Variants in OPCML observed in about 807,000 individuals in gnomAD.
The protein encoded by OPCML is opioid binding protein/cell adhesion molecule like, also known as opioid-binding protein/cell adhesion molecule.
A neutral mutation model predicts 37.8 loss-of-function variants in OPCML; 13 were observed. The ratio of observed to expected loss-of-function variants is 0.34; its 90% CI spans 0.22 to 0.55. The LOEUF (loss-of-function observed/expected upper bound fraction) is 0.55, where lower values mean the gene tolerates loss of function less well. Among genes scored for constraint, OPCML ranks in the 20% least tolerant of loss-of-function variants. OPCML has a pLI of 0.91. For synonymous variants in OPCML, 176 were observed against 168.8 expected (o/e 1.04, Z -0.33); for missense variants, 341 against 435.6 (o/e 0.78, Z 1.93).
intron 1 of OPCML, among the ~76,000 whole-genome samples, chr11:133,137,038 A>G (rs1406283008): frequency 6.6e-6 from 1 of 152,194 alleles, no homozygotes; most frequent in African/African-American, 2.4e-5. Flanking sequence ...CAGGAAGAAA[A>G]AGGCCAAAAG....
rs566094297 is a variant in OPCML at position 133,259,894 on chromosome 11, G to A, written c.61+272370C>T. ...GCACTACTCTCAGATTTGGGAATACGGTAGTGAACATAACAGACAACGTCC... is the reference window on the plus strand; with the variant it reads ...GCACTACTCTCAGATTTGGGAATACAGTAGTGAACATAACAGACAACGTCC... On this transcript the variant is annotated intron_variant, in intron 1 of 7. Coordinates refer to ENST00000524381, the MANE Select transcript of OPCML (RefSeq NM_001012393.5). Among the ~76,000 whole-genome samples, 8 of 152,180 alleles carry A rather than the reference G, an allele frequency of 5.3e-5. No individual in the cohort carries two copies. In the South Asian group the frequency reaches 1.2e-3, roughly 24 times the overall value.
chr11:133,073,432 C>G (rs532742781), intron 1 of OPCML, among the ~76,000 whole-genome samples: 28 of 152,338 alleles, frequency 1.8e-4, no homozygotes, highest in South Asian at 4.1e-4. Flanking sequence ...CCAAAGGGCT[C>G]TCCTAGCAGG....
At chr11:133,191,951 A>G (rs1470049131) in intron 1 of OPCML, among the ~76,000 whole-genome samples, 2 of 152,100 alleles carry the variant, frequency 1.3e-5, no homozygotes, top group Non-Finnish European at 1.5e-5. Context: ...AATATAGAAA[A>G]CCTTAGAGCT....
At chr11:132,703,947 C>A (rs1040238470) in intron 2 of OPCML, among the ~76,000 whole-genome samples, 1 of 152,116 alleles carries the variant, frequency 6.6e-6, no homozygotes, top group Non-Finnish European at 1.5e-5. Context: ...CTGGGGTCCA[C>A]GGAAGTAGAC....
chr11:132,834,798 C>CT (rs1160858106), intron 2 of OPCML, among the ~76,000 whole-genome samples: 1 of 152,140 alleles, frequency 6.6e-6, no homozygotes, highest in Non-Finnish European at 1.5e-5. Flanking sequence ...GAGCGTAGGA[C>CT]TTCAACATAT....
chr11:133,009,042 A>G (rs1389906966), intron 1 of OPCML: 2 of 985,326 alleles, frequency 2.0e-6, no homozygotes, highest in South Asian at 4.7e-5. Context: ...TTACTTAAAC[A>G]TATTTACTCT....
At chr11:133,419,349 T>C in intron 1 of OPCML, 1 of 985,420 alleles carries the variant, frequency 1.0e-6, no homozygotes, top group Non-Finnish European at 1.2e-6. Context: ...TCACTGATAG[T>C]GATGTGCTGG....
chr11:132,852,416 G>C (rs370755918), intron 2 of OPCML, among the ~76,000 whole-genome samples: 3 of 152,116 alleles, frequency 2.0e-5, no homozygotes, highest in Middle Eastern at 3.2e-3. Flanking sequence ...GGGTCCCTGA[G>C]ATTTTTCAGA....
At chr11:133,162,162 T>C (rs1442816211) in intron 1 of OPCML, among the ~76,000 whole-genome samples, 1 of 151,948 alleles carries the variant, frequency 6.6e-6, no homozygotes, top group Non-Finnish European at 1.5e-5. Context: ...TAAGGGAAAG[T>C]GCATGCAAAT....
chr11:133,510,282 T>C (rs1161984296), intron 1 of OPCML, among the ~76,000 whole-genome samples: 1 of 152,146 alleles, frequency 6.6e-6, no homozygotes, highest in Non-Finnish European at 1.5e-5. Flanking sequence ...TGCTACAGAG[T>C]AAACTTCCTG....
At chr11:133,484,281 C>G (rs1947482218) in intron 1 of OPCML, among the ~76,000 whole-genome samples, 1 of 151,916 alleles carries the variant, frequency 6.6e-6, no homozygotes, top group Admixed American at 6.6e-5. Context: ...CAAAGAATAA[C>G]TCCATAAATA....
At chr11:132,764,592 T>C (rs1473074734) in intron 2 of OPCML, among the ~76,000 whole-genome samples, 1 of 152,190 alleles carries the variant, frequency 6.6e-6, no homozygotes, top group Non-Finnish European at 1.5e-5. Flanking sequence ...AGATAATGCA[T>C]GTAAATCCCT....
At chr11:133,480,250 A>ATC (rs1359043883) in intron 1 of OPCML, among the ~76,000 whole-genome samples, 4 of 152,282 alleles carry the variant, frequency 2.6e-5, no homozygotes, top group Non-Finnish European at 5.9e-5. Flanking sequence ...GCTCTGTTGA[A>ATC]TCTCTCACAT....
chr11:132,571,951 A>T (rs2096439631), intron 3 of OPCML, among the ~76,000 whole-genome samples: 1 of 152,168 alleles, frequency 6.6e-6, no homozygotes, highest in Admixed American at 6.5e-5. Context: ...AAAATTGTAT[A>T]ATACCCATTT....
At chr11:132,766,655 T>C (rs1208226070) in intron 2 of OPCML, among the ~76,000 whole-genome samples, 2 of 152,030 alleles carry the variant, frequency 1.3e-5, no homozygotes, top group East Asian at 1.9e-4. Flanking sequence ...CCCCTCACAC[T>C]GAGGATTAGG....
At chr11:132,592,980 G>A (rs2096486928) in intron 3 of OPCML, among the ~76,000 whole-genome samples, 1 of 152,172 alleles carries the variant, frequency 6.6e-6, no homozygotes, top group Non-Finnish European at 1.5e-5. Context: ...TGTTCACGGA[G>A]TTCTGGAGAG....
At chr11:133,252,341 T>A (rs1432771447) in intron 1 of OPCML, among the ~76,000 whole-genome samples, 2 of 152,200 alleles carry the variant, frequency 1.3e-5, no homozygotes, top group African/African-American at 4.8e-5. Flanking sequence ...ATTATAGGGT[T>A]GATGAAGCTT....
chr11:132,562,931 G>T (rs908128776), intron 3 of OPCML, among the ~76,000 whole-genome samples: 1 of 152,188 alleles, frequency 6.6e-6, no homozygotes, highest in Non-Finnish European at 1.5e-5. Context: ...AACGTACACT[G>T]AGCTCAGCAA....
At chr11:132,787,504 A>T (rs1057113462) in intron 2 of OPCML, among the ~76,000 whole-genome samples, 1 of 152,172 alleles carries the variant, frequency 6.6e-6, no homozygotes, top group Non-Finnish European at 1.5e-5. Flanking sequence ...TAATGGGGAT[A>T]ATAGCCTGGA....
Sources: gnomAD v4.1 joint callset for allele counts (sites outside exome capture counted in the v4.1 genomes callset) on GRCh38, gnomAD v4.1.1 for gene constraint, MANE v1.5 for transcripts, NCBI Gene and HGNC (gene_info 2026-07-23, HGNC 2026-07-21) for gene names.